Variants in DLGAP2 observed in about 807,000 individuals in gnomAD.
The protein encoded by DLGAP2 is DLG associated protein 2.
DLGAP2 carries 26 observed loss-of-function variants against 100.3 expected under a neutral mutation model. The ratio of observed to expected loss-of-function variants is 0.26; its 90% CI spans 0.19 to 0.36. DLGAP2 has a LOEUF of 0.36. Among genes scored for constraint, DLGAP2 ranks in the 10% least tolerant of loss-of-function variants. The pLI, the probability that DLGAP2 is intolerant of heterozygous loss-of-function variation, is 1.00. For synonymous variants in DLGAP2, 886 were observed against 630.1 expected (o/e 1.41, Z -6.08); for missense variants, 1,858 against 1,453.2 (o/e 1.28, Z -4.53).
chr8:1,235,196 C>A lies in DLGAP2; in HGVS notation c.74-23655C>A, dbSNP rs1205238584. 1.1e-4 allele frequency among the ~76,000 whole-genome samples: 15 copies of A among 139,386 alleles called. 2 individuals are homozygous for A. Among genetic ancestry groups the A allele is most frequent in the African/African-American group, 3.5e-4 (13 of 37,354 alleles). The allele number at this position is 139,386 out of a possible 152,430, so 91.4% of individuals were successfully genotyped here. Reference sequence around the variant, plus strand: ...TGGCGCCGTGTCTGCTTCCCTCACACATGGCGTCATGTCTAGTTCTCTCAC... The same window carrying A: ...TGGCGCCGTGTCTGCTTCCCTCACAAATGGCGTCATGTCTAGTTCTCTCAC... On this transcript the variant is annotated intron_variant, in intron 2 of 14. Transcript: ENST00000637795.
At chr8:1,005,124 G>A (rs1238549489) in intron 2 of DLGAP2, among the ~76,000 whole-genome samples, 1 of 152,200 alleles carries the variant, frequency 6.6e-6, no homozygotes, top group Non-Finnish European at 1.5e-5. Context: ...AAGATCGAAA[G>A]TAGTGTCACT....
At chr8:1,450,586 C>T (rs1798130439) in intron 3 of DLGAP2, among the ~76,000 whole-genome samples, 1 of 152,046 alleles carries the variant, frequency 6.6e-6, no homozygotes, top group African/African-American at 2.4e-5. Context: ...GAACCATGGC[C>T]CCAGGGCTAC....
chr8:1,492,629 C>T (rs1169110970), intron 3 of DLGAP2, among the ~76,000 whole-genome samples: 5 of 152,230 alleles, frequency 3.3e-5, no homozygotes, highest in Admixed American at 1.3e-4. Context: ...CCTCCCCCCA[C>T]GAAGAGGTGC....
chr8:740,179 C>G (rs183489051), intron 1 of DLGAP2: 1 of 152,174 alleles, frequency 6.6e-6, no homozygotes, highest in Non-Finnish European at 1.5e-5. Context: ...ATGAGTACTA[C>G]GTCAAATAAT....
At chr8:1,598,574 A>C (rs1344439700) in intron 6 of DLGAP2, among the ~76,000 whole-genome samples, 4 of 152,026 alleles carry the variant, frequency 2.6e-5, no homozygotes, top group African/African-American at 7.2e-5. Flanking sequence ...GATTTGACTT[A>C]TTCCTCATTT....
At chr8:779,048 C>CT (rs1821612666) in intron 1 of DLGAP2, among the ~76,000 whole-genome samples, 1 of 152,354 alleles carries the variant, frequency 6.6e-6, no homozygotes, top group East Asian at 1.9e-4. Flanking sequence ...TGTGGTGTGC[C>CT]TTTTTTCAAG....
chr8:1,439,860 C>G (rs1270253814), intron 3 of DLGAP2, among the ~76,000 whole-genome samples: 2 of 152,126 alleles, frequency 1.3e-5, no homozygotes, highest in African/African-American at 2.4e-5. Flanking sequence ...CTGGAGGCCT[C>G]TTGTGTGAAG....
intron 1 of DLGAP2, among the ~76,000 whole-genome samples, chr8:789,365 A>AGG (rs973352457): frequency 4.6e-5 from 7 of 152,158 alleles, no homozygotes; most frequent in African/African-American, 1.7e-4. Context: ...AAGAGAGTGA[A>AGG]GGGGGAGGTG....
chr8:1,651,285 T>G (rs1178633262), intron 8 of DLGAP2, among the ~76,000 whole-genome samples: 1 of 152,140 alleles, frequency 6.6e-6, no homozygotes, highest in East Asian at 1.9e-4. Context: ...GTGTGGCCCT[T>G]CTTCACAGGG....
intron 1 of DLGAP2, among the ~76,000 whole-genome samples, chr8:804,612 C>T (rs34031906): frequency 0.13 from 19,393 of 152,210 alleles, 1,782 homozygotes; most frequent in East Asian, 0.52. Flanking sequence ...CTGTACTTTA[C>T]CAGAAAAGTT....
At chr8:1,360,892 C>T (rs936438469) in intron 3 of DLGAP2, among the ~76,000 whole-genome samples, 11 of 152,210 alleles carry the variant, frequency 7.2e-5, no homozygotes, top group Admixed American at 5.2e-4. Flanking sequence ...CTGGCCCCAC[C>T]GGACACGTGA....
chr8:1,240,485 T>G (rs116588126), intron 2 of DLGAP2, among the ~76,000 whole-genome samples: 5,782 of 138,758 alleles, frequency 0.042, 378 homozygotes, highest in African/African-American at 0.15. Context: ...CATGTCTAGT[T>G]TTCTCTCACA....
At chr8:960,460 C>T (rs1018782129) in intron 2 of DLGAP2, among the ~76,000 whole-genome samples, 4 of 151,730 alleles carry the variant, frequency 2.6e-5, no homozygotes, top group African/African-American at 9.7e-5. Flanking sequence ...TTGAACTCCT[C>T]CTGACCACAG....
chr8:835,700 C>G (rs1005960758), intron 1 of DLGAP2, among the ~76,000 whole-genome samples: 2 of 152,218 alleles, frequency 1.3e-5, no homozygotes, highest in East Asian at 3.9e-4. Context: ...ATGCTTTTCT[C>G]TGTGCTAGGC....
chr8:1,313,624 G>C (rs1800662144), intron 3 of DLGAP2, among the ~76,000 whole-genome samples: 1 of 152,100 alleles, frequency 6.6e-6, no homozygotes, highest in East Asian at 1.9e-4. Context: ...CAAAGTCAGG[G>C]GTGGATTCAG....
intron 14 of DLGAP2, among the ~76,000 whole-genome samples, chr8:1,698,819 A>G (rs996526507): frequency 2.2e-5 from 3 of 138,628 alleles, no homozygotes; most frequent in Non-Finnish European, 4.7e-5. Flanking sequence ...GCAGGTCCAC[A>G]TAAGCCATGC....
intron 5 of DLGAP2, among the ~76,000 whole-genome samples, chr8:1,563,736 CG>C (rs942066022): frequency 3.3e-5 from 5 of 152,026 alleles, no homozygotes; most frequent in African/African-American, 1.2e-4. Context: ...TCAGATCTGC[CG>C]GAGCACTGGT....
chr8:1,487,158 A>C (rs896832752), intron 3 of DLGAP2, among the ~76,000 whole-genome samples: 3 of 152,262 alleles, frequency 2.0e-5, no homozygotes, highest in Non-Finnish European at 2.9e-5. Context: ...TGATGTATTT[A>C]AAACAAGAAG....
intron 5 of DLGAP2, among the ~76,000 whole-genome samples, chr8:1,557,982 G>C (rs879936503): frequency 7.9e-5 from 12 of 152,218 alleles, no homozygotes; most frequent in Non-Finnish European, 1.6e-4. Context: ...CCAAGGAGGG[G>C]TGTGGGGAAG....
Sources: allele counts gnomAD v4.1 joint callset (sites outside exome capture counted in the v4.1 genomes callset), GRCh38; gene constraint gnomAD v4.1.1; transcripts MANE v1.5; gene names NCBI Gene and HGNC (gene_info 2026-07-23, HGNC 2026-07-21).